Variants in MARCHF5 observed in about 807,000 individuals in gnomAD.
The protein encoded by MARCHF5 is membrane associated ring-CH-type finger 5.
MARCHF5 carries 5 observed loss-of-function variants against 36.5 expected under a neutral mutation model. That is an observed-to-expected ratio of 0.14 (90% CI 0.07 to 0.29). The LOEUF is 0.29. Ranked by LOEUF, MARCHF5 falls within the 10% of genes least tolerant of loss-of-function variation. MARCHF5 has a pLI of 1.00. For missense variants in MARCHF5, 179 were observed against 336.3 expected (o/e 0.53, Z 3.66); for synonymous variants, 103 against 109.9 (o/e 0.94, Z 0.39).
At chr10:92,303,605 A>G (rs1228269890) in intron 1 of MARCHF5, among the ~76,000 whole-genome samples, 1 of 152,154 alleles carries the variant, frequency 6.6e-6, no homozygotes, top group African/African-American at 2.4e-5. Context: ...TGTGGCATCA[A>G]ATAATGAATG....
At chr10:92,332,886 C>G (rs1048765334) in intron 2 of MARCHF5, among the ~76,000 whole-genome samples, 27 of 144,262 alleles carry the variant, frequency 1.9e-4, no homozygotes, top group African/African-American at 6.5e-4. Context: ...ATTTGTTGGC[C>G]GGGTGCGGTG....
At chr10:92,325,456 C>T (rs1322769975) in intron 2 of MARCHF5, among the ~76,000 whole-genome samples, 3 of 152,130 alleles carry the variant, frequency 2.0e-5, no homozygotes, top group Admixed American at 1.3e-4. Flanking sequence ...GTTAAGTGCA[C>T]ATATTTATAA....
rs556161409 is a variant in MARCHF5 at position 92,308,760 on chromosome 10, A to C, written c.36-2375A>C. The stretch of plus-strand genomic sequence containing the variant: ...TGCTCTGTTGCCCAGGCTGGAGTGC[A>C]GTGGCGCGATCTTGGCTCACTGCAA... On this transcript the variant is annotated intron_variant, in intron 1 of 5. Transcript: ENST00000358935. Among the ~76,000 whole-genome samples the C allele has an allele frequency of 4.7e-5, 7 of 149,088 alleles. No homozygotes were observed. The South Asian group carries it at 1.5e-3, about 32-fold the overall frequency.
At chr10:92,330,620 T>C (rs1281047113) in intron 2 of MARCHF5, among the ~76,000 whole-genome samples, 4 of 152,222 alleles carry the variant, frequency 2.6e-5, no homozygotes, top group African/African-American at 7.2e-5. Flanking sequence ...AGACACCTGC[T>C]GTCTTTGATT....
intron 1 of MARCHF5, among the ~76,000 whole-genome samples, chr10:92,297,346 T>G (rs1367791367): frequency 6.6e-6 from 1 of 151,862 alleles, no homozygotes; most frequent in East Asian, 1.9e-4. Context: ...TTTTGTATTT[T>G]TTTTGTGGAG....
At chr10:92,334,290 G>A (rs1254641317) in intron 2 of MARCHF5, among the ~76,000 whole-genome samples, 1 of 152,194 alleles carries the variant, frequency 6.6e-6, no homozygotes, top group Non-Finnish European at 1.5e-5. Flanking sequence ...GCTTCTGTGA[G>A]CAGTCTGTCT....
rs1373392160 is a variant in MARCHF5 at position 92,352,305 on chromosome 10, A to C, written c.*1098A>C. Reference sequence around the variant, plus strand: ...TTAATGAGGAGAAAAGTATGAAAACAAGAAGTCTTAAGTAAATATTGAGGT... The same window carrying C: ...TTAATGAGGAGAAAAGTATGAAAACCAGAAGTCTTAAGTAAATATTGAGGT... On this transcript the variant is annotated 3_prime_UTR_variant, in exon 6 of 6. Coordinates refer to ENST00000358935, the MANE Select transcript of MARCHF5 (RefSeq NM_017824.5). The C allele has an allele frequency of 6.6e-6, 1 of 152,342 alleles. No homozygotes were observed. The highest frequency in any genetic ancestry group is 1.9e-4 in the East Asian group (1 of 5,186). The allele number at this position is 152,342 out of a possible 1,614,324, so 9.4% of individuals were successfully genotyped here. A position where few individuals can be genotyped will look rare whatever the true frequency, so the allele number is the denominator to read the frequency against.
At chr10:92,336,093 T>A (rs1334854788) in intron 2 of MARCHF5, among the ~76,000 whole-genome samples, 1 of 152,200 alleles carries the variant, frequency 6.6e-6, no homozygotes, top group African/African-American at 2.4e-5. Context: ...TGGAATGCAA[T>A]GGTGCCATCT....
chr10:92,312,510 A>C (rs1843156085), intron 2 of MARCHF5, among the ~76,000 whole-genome samples: 1 of 152,264 alleles, frequency 6.6e-6, no homozygotes, highest in African/African-American at 2.4e-5. Context: ...TTGTAAGATC[A>C]AAGAAGTATT....
At chr10:92,292,329 T>A (rs1422741337) in intron 1 of MARCHF5, among the ~76,000 whole-genome samples, 1 of 152,156 alleles carries the variant, frequency 6.6e-6, no homozygotes, top group Non-Finnish European at 1.5e-5. Context: ...AGATCCACAT[T>A]TCCCCCGAGC....
At chr10:92,342,539 T>C (rs911824226) in intron 3 of MARCHF5, among the ~76,000 whole-genome samples, 2 of 152,184 alleles carry the variant, frequency 1.3e-5, no homozygotes, top group African/African-American at 4.8e-5. Context: ...TGGCTTCCTT[T>C]CCACAGTCTT....
intron 2 of MARCHF5, among the ~76,000 whole-genome samples, chr10:92,325,615 T>C (rs926137897): frequency 6.6e-6 from 1 of 152,224 alleles, no homozygotes; most frequent in Non-Finnish European, 1.5e-5. Context: ...TCAGCTCTCT[T>C]ATATCTCATT....
chr10:92,349,228 A>G, intron 3 of MARCHF5, 121 bp from the exon 4 acceptor site: 1 of 746,252 alleles, frequency 1.3e-6, no homozygotes, highest in Non-Finnish European at 2.1e-6. Flanking sequence ...CTTATTTTTT[A>G]AACTTTTTAT....
intron 2 of MARCHF5, among the ~76,000 whole-genome samples, chr10:92,335,660 G>C (rs1247742673): frequency 6.6e-6 from 1 of 152,108 alleles, no homozygotes; most frequent in Non-Finnish European, 1.5e-5. Context: ...GAGATGAGTA[G>C]AAAATTTCCA....
At chr10:92,349,241 C>A (rs1403962378) in intron 3 of MARCHF5, 108 bp from the exon 4 acceptor site, 1 of 797,162 alleles carries the variant, frequency 1.3e-6, no homozygotes, top group Non-Finnish European at 1.9e-6. Flanking sequence ...CTTTTTATTT[C>A]TGTGTATTCT....
chr10:92,308,937 C>G lies in MARCHF5; in HGVS notation c.36-2198C>G, dbSNP rs188143741. ...AGCCAGGATGGTCTCAATCTCCTGACCTTGTGATCCGCCCGCTTCAGCCTC... is the reference window on the plus strand; with the variant it reads ...AGCCAGGATGGTCTCAATCTCCTGAGCTTGTGATCCGCCCGCTTCAGCCTC... On this transcript the variant is annotated intron_variant, in intron 1 of 5. Coordinates refer to ENST00000358935, the MANE Select transcript of MARCHF5 (RefSeq NM_017824.5). Among the ~76,000 whole-genome samples, 211 of 152,250 alleles carry G rather than the reference C, an allele frequency of 1.4e-3. 1 individual carries two copies. Among genetic ancestry groups the G allele is most frequent in the Non-Finnish European group, 2.5e-3 (168 of 68,020 alleles).
chr10:92,298,785 A>T (rs1590644071), intron 1 of MARCHF5, among the ~76,000 whole-genome samples: 1 of 151,652 alleles, frequency 6.6e-6, no homozygotes, highest in African/African-American at 2.4e-5. Context: ...CTGGTCTCAA[A>T]CTCCTGAGCT....
chr10:92,291,484 C>T lies in MARCHF5; in HGVS notation c.-11C>T. 6 of 1,548,164 alleles carry T rather than the reference C, an allele frequency of 3.9e-6. No homozygotes were observed. Among genetic ancestry groups the T allele is most frequent in the Non-Finnish European group, 5.2e-6 (6 of 1,145,226 alleles). On this transcript the variant is annotated 5_prime_UTR_variant, in exon 1 of 6. Coordinates refer to ENST00000358935, the MANE Select transcript of MARCHF5 (RefSeq NM_017824.5). ...CACTGGGGAAGGCCGTGTGCGCCGG[C>T]TCCGCGGAAGATGCCGGACCAAGCC... is the stretch of plus-strand genomic sequence containing the variant.
chr10:92,332,940 G>C (rs986034662), intron 2 of MARCHF5, among the ~76,000 whole-genome samples: 12 of 151,918 alleles, frequency 7.9e-5, no homozygotes, highest in Non-Finnish European at 1.6e-4. Context: ...CAAGGCGGGC[G>C]GATTACCTGA....
Sources: gnomAD v4.1 joint callset for allele counts (sites outside exome capture counted in the v4.1 genomes callset) on GRCh38, gnomAD v4.1.1 for gene constraint, MANE v1.5 for transcripts, NCBI Gene and HGNC (gene_info 2026-07-23, HGNC 2026-07-21) for gene names.